The following NOSTRIN variants were observed in gnomAD, a reference collection of about 807,000 sequenced individuals.
The protein encoded by NOSTRIN is BM247 homolog.
A neutral mutation model predicts 59.0 loss-of-function variants in NOSTRIN; 63 were observed. The ratio of observed to expected loss-of-function variants is 1.07; its 90% CI spans 0.87 to 1.32. The LOEUF (loss-of-function observed/expected upper bound fraction) is 1.32, where lower values mean the gene tolerates loss of function less well. Ranked by LOEUF, NOSTRIN falls within the 40% of genes most tolerant of loss-of-function variation. The probability of loss-of-function intolerance (pLI) is 0.00; values close to 1 mark genes in which losing one functional copy is unlikely to be tolerated. For missense variants in NOSTRIN, 512 were observed against 473.1 expected, an observed-to-expected ratio of 1.08 and a Z score of -0.76; for synonymous variants, 200 against 165.4, an observed-to-expected ratio of 1.21 and a Z score of -1.61.
intron 8 of NOSTRIN, among the ~76,000 whole-genome samples, chr2:168,847,386 T>G (rs529002): frequency 0.64 from 97,496 of 151,974 alleles, 32,511 homozygotes; most frequent in African/African-American, 0.83. Flanking sequence ...AGATTCCTGA[T>G]CACCTCCCTA....
At chr2:168,863,481 T>A (rs894670490) in intron 15 of NOSTRIN, 1 of 985,278 alleles carries the variant, frequency 1.0e-6, no homozygotes, top group African/African-American at 1.7e-5. Context: ...CAGATGATCC[T>A]GAAGGGGGCA....
chr2:168,846,368 AG>A (rs1688424204), intron 8 of NOSTRIN, among the ~76,000 whole-genome samples: 1 of 152,216 alleles, frequency 6.6e-6, no homozygotes, highest in African/African-American at 2.4e-5. Context: ...AATTCATTTT[AG>A]GGTCCTACGA....
At chr2:168,845,833 T>G (rs1363063905) in intron 8 of NOSTRIN, among the ~76,000 whole-genome samples, 1 of 145,888 alleles carries the variant, frequency 6.9e-6, no homozygotes, top group Non-Finnish European at 1.5e-5. Flanking sequence ...ACATGGAATA[T>G]CTACTCATCA....
intron 1 of NOSTRIN, among the ~76,000 whole-genome samples, chr2:168,810,665 A>G (rs996413772): frequency 6.6e-6 from 1 of 152,232 alleles, no homozygotes; most frequent in African/African-American, 2.4e-5. Flanking sequence ...CCCTCAATCC[A>G]TACTGAATTT....
intron 13 of NOSTRIN, 74 bp downstream of exon 13, chr2:168,859,711 G>A: frequency 6.5e-7 from 1 of 1,531,110 alleles, no homozygotes; most frequent in Non-Finnish European, 8.8e-7. Flanking sequence ...TAGCATCAGG[G>A]CAAAAAAGGT....
At chr2:168,804,837 C>T (rs1187662340) in intron 1 of NOSTRIN, among the ~76,000 whole-genome samples, 1 of 152,132 alleles carries the variant, frequency 6.6e-6, no homozygotes, top group African/African-American at 2.4e-5. Context: ...AGGCAACAAG[C>T]CCCAATACTA....
chr2:168,850,009 G>A (rs911339057), intron 8 of NOSTRIN, among the ~76,000 whole-genome samples: 3 of 149,004 alleles, frequency 2.0e-5, no homozygotes, highest in Admixed American at 6.8e-5. Context: ...TTCACCTCCT[G>A]GGTTCAGGCA....
intron 2 of NOSTRIN, among the ~76,000 whole-genome samples, chr2:168,823,311 C>T (rs927537950): frequency 7.2e-5 from 11 of 152,150 alleles, no homozygotes; most frequent in South Asian, 4.1e-4. Context: ...CCACCGCGCC[C>T]GGCCAGTTGC....
intron 1 of NOSTRIN, among the ~76,000 whole-genome samples, chr2:168,806,956 A>G (rs1038318733): frequency 6.6e-5 from 10 of 152,222 alleles, no homozygotes; most frequent in Admixed American, 2.6e-4. Context: ...TACTGTGATT[A>G]TACAGATTAG....
In NOSTRIN at chr2:168,865,145, G is replaced by C. The variant is rs1352714339; in HGVS notation, c.*175G>C. The C allele has an allele frequency of 1.4e-6, 1 of 697,816 alleles. No homozygotes were observed. The highest frequency in any genetic ancestry group is 2.3e-6 in the Non-Finnish European group (1 of 432,996). The allele number at this position is 697,816 out of a possible 1,614,324, so 43.2% of individuals were successfully genotyped here. A position where few individuals can be genotyped will look rare whatever the true frequency, so the allele number is the denominator to read the frequency against. On this transcript the variant is annotated 3_prime_UTR_variant, in exon 16 of 16. Coordinates refer to ENST00000317647, the MANE Select transcript of NOSTRIN (RefSeq NM_001039724.4). Reference sequence around the variant, plus strand: ...ATTAGCTTGAAACAGTCAGAAAAAAGATGGATGGGTGGAGACAGACAAGGA... The same window carrying C: ...ATTAGCTTGAAACAGTCAGAAAAAACATGGATGGGTGGAGACAGACAAGGA...
chr2:168,843,196 C>A (rs1041486870), intron 8 of NOSTRIN, 79 bp downstream of exon 8: 23 of 783,038 alleles, frequency 2.9e-5, no homozygotes, highest in Non-Finnish European at 4.4e-5. Flanking sequence ...ATTACAGTGA[C>A]AAGACCTGCC....
chr2:168,795,301 G>T (rs1685451242), upstream of NOSTRIN, among the ~76,000 whole-genome samples: 1 of 152,230 alleles, frequency 6.6e-6, no homozygotes, highest in East Asian at 1.9e-4. Context: ...ACTGATTGCA[G>T]ATGAGCTTAA....
At chr2:168,797,915 G>T (rs996772594), upstream of NOSTRIN, among the ~76,000 whole-genome samples, 1 of 151,922 alleles carries the variant, frequency 6.6e-6, no homozygotes, top group African/African-American at 2.4e-5. Context: ...AAGTCATCCC[G>T]CAGTATCCAT....
At chr2:168,861,587 T>G (rs1014060361) in intron 14 of NOSTRIN, among the ~76,000 whole-genome samples, 1 of 152,146 alleles carries the variant, frequency 6.6e-6, no homozygotes, top group African/African-American at 2.4e-5. Context: ...CATACACAGC[T>G]AGGGATGATG....
chr2:168,837,059 G>A (rs1056096160), intron 7 of NOSTRIN, among the ~76,000 whole-genome samples: 2 of 152,120 alleles, frequency 1.3e-5, no homozygotes, highest in Admixed American at 6.5e-5. Flanking sequence ...GGTGGAAAGA[G>A]AGCAAGGAAG....
intron 2 of NOSTRIN, among the ~76,000 whole-genome samples, chr2:168,790,747 T>C (rs1424262743): frequency 6.6e-6 from 1 of 152,158 alleles, no homozygotes; most frequent in Non-Finnish European, 1.5e-5. Context: ...GGCAGGACAA[T>C]TGGTGGAACT....
At chr2:168,798,470 G>C (rs1685537969), upstream of NOSTRIN, among the ~76,000 whole-genome samples, 1 of 152,176 alleles carries the variant, frequency 6.6e-6, no homozygotes, top group Non-Finnish European at 1.5e-5. Flanking sequence ...CTTAGAGGCA[G>C]CACAAAATGT....
At chr2:168,818,564 G>C (rs1171927282) in intron 2 of NOSTRIN, among the ~76,000 whole-genome samples, 1 of 152,124 alleles carries the variant, frequency 6.6e-6, no homozygotes, top group Non-Finnish European at 1.5e-5. Flanking sequence ...GTCTAATATT[G>C]ATTACATGGT....
At position 168,863,354 on chromosome 2, in the gene NOSTRIN, G is replaced by A. The variant is rs1021608900; in HGVS notation, c.1384+1305G>A. The A allele has an allele frequency of 1.4e-5, 13 of 952,706 alleles. No homozygotes were observed. The African/African-American group carries it at 2.1e-4, about 16-fold the overall frequency. The allele number at this position is 952,706 out of a possible 1,614,324, so 59.0% of individuals were successfully genotyped here. ...AAAATGTAGAAAAGATAGAAAAGGAGTTAATAATTTCCTTTGTCTTAGAAA... is the reference window on the plus strand; with the variant it reads ...AAAATGTAGAAAAGATAGAAAAGGAATTAATAATTTCCTTTGTCTTAGAAA... On this transcript the variant is annotated intron_variant, in intron 15 of 15. Transcript: ENST00000317647.
Sources: gnomAD v4.1 joint callset for allele counts (sites outside exome capture counted in the v4.1 genomes callset) on GRCh38, gnomAD v4.1.1 for gene constraint, MANE v1.5 for transcripts, NCBI Gene and HGNC (gene_info 2026-07-23, HGNC 2026-07-21) for gene names.